The following PRKN variants were observed in gnomAD, a reference collection of about 807,000 sequenced individuals.
PRKN encodes parkin RBR E3 ubiquitin protein ligase.
A neutral mutation model predicts 59.5 loss-of-function variants in PRKN; 56 were observed. The ratio of observed to expected loss-of-function variants is 0.94; its 90% CI spans 0.76 to 1.18. The LOEUF is 1.18. Among genes scored for constraint, PRKN ranks in the 50% most tolerant of loss-of-function variants. The pLI, the probability that PRKN is intolerant of heterozygous loss-of-function variation, is 0.00. For missense variants in PRKN, 657 were observed against 596.4 expected (o/e 1.10, Z -1.06); for synonymous variants, 250 against 222.1 (o/e 1.13, Z -1.12).
intron 2 of PRKN, among the ~76,000 whole-genome samples, chr6:162,423,697 GA>G (rs1277478146): frequency 6.6e-6 from 1 of 152,162 alleles, no homozygotes; most frequent in Non-Finnish European, 1.5e-5. Flanking sequence ...GTCGTCATCA[GA>G]AATTGATGAA....
chr6:162,598,193 C>T (rs1250812377), intron 1 of PRKN, among the ~76,000 whole-genome samples: 1 of 152,100 alleles, frequency 6.6e-6, no homozygotes, highest in African/African-American at 2.4e-5. Context: ...TTGTTTTAAT[C>T]ATATCATGGA....
chr6:162,202,248 A>G (rs1784761376), intron 3 of PRKN, among the ~76,000 whole-genome samples: 2 of 152,150 alleles, frequency 1.3e-5, no homozygotes, highest in African/African-American at 2.4e-5. Context: ...TCACAAATGC[A>G]TATGATCTAT....
chr6:161,794,599 C>A, intron 6 of PRKN, among the ~76,000 whole-genome samples: 1 of 152,134 alleles, frequency 6.6e-6, no homozygotes, highest in East Asian at 1.9e-4. Context: ...TCTTTTGGAG[C>A]CTCCATAAGC....
At chr6:161,937,352 A>G (rs191114342) in intron 6 of PRKN, among the ~76,000 whole-genome samples, 324 of 152,356 alleles carry the variant, frequency 2.1e-3, no homozygotes, top group African/African-American at 7.3e-3. Context: ...AGAAACACTG[A>G]TATCAACTCA....
intron 7 of PRKN, among the ~76,000 whole-genome samples, chr6:161,613,663 G>C (rs561798640): frequency 5.3e-5 from 8 of 152,234 alleles, no homozygotes; most frequent in African/African-American, 1.7e-4. Context: ...CCGCAACCCT[G>C]ATCAGTCAGC....
chr6:162,669,005 A>C (rs1188397340), intron 1 of PRKN, among the ~76,000 whole-genome samples: 1 of 152,172 alleles, frequency 6.6e-6, no homozygotes, highest in African/African-American at 2.4e-5. Context: ...TGAGAATCTG[A>C]AGTACCAAGA....
intron 7 of PRKN, among the ~76,000 whole-genome samples, chr6:161,580,009 G>A (rs1166991977): frequency 1.3e-5 from 2 of 152,002 alleles, no homozygotes; most frequent in African/African-American, 4.8e-5. Context: ...TAGCATCCCT[G>A]CTTTTATATA....
rs186221297 is a variant in PRKN at position 162,066,376 on chromosome 6, T to C, written c.535-12202A>G. 5.6e-3 allele frequency among the ~76,000 whole-genome samples: 857 copies of C among 152,346 alleles called. 2 individuals carry two copies. The highest frequency in any genetic ancestry group is 0.017 in the Middle Eastern group (5 of 294). On this transcript the variant is annotated intron_variant, in intron 4 of 11. Coordinates refer to ENST00000366898, the MANE Select transcript of PRKN (RefSeq NM_004562.3). ...CTCTTTTAAGGAAACACATATTAGC[T>C]GTGGCTAACATATATGTTCATTAGA... is the stretch of plus-strand genomic sequence containing the variant.
In PRKN at chr6:161,497,577, T is replaced by TCTCTCA. The variant is rs369404858; in HGVS notation, c.1083+51276_1083+51277insTGAGAG. The stretch of plus-strand genomic sequence containing the variant: ...ATGTCTCTCTCTCTCTCTCTCTCTC[T>TCTCTCA]CACACACACACACACACACACCATA... On this transcript the variant is annotated intron_variant, in intron 9 of 11. Transcript: ENST00000366898. The surrounding 1 kb of genome is among the most constrained non-coding windows in gnomAD (Gnocchi z 4.6). Among the ~76,000 whole-genome samples the TCTCTCA allele has an allele frequency of 1.4e-3, 204 of 147,468 alleles. 1 individual carries two copies. Among genetic ancestry groups the TCTCTCA allele is most frequent in the Non-Finnish European group, 2.4e-3 (159 of 66,902 alleles).
At chr6:161,368,381 T>TTATATATATATATATATATATA (rs1562399363) in intron 10 of PRKN, among the ~76,000 whole-genome samples, 5 of 70,806 alleles carry the variant, frequency 7.1e-5, no homozygotes, top group Admixed American at 1.2e-4. Context: ...ACCTCAGTCT[T>TTATATATATATATATATATATA]GATATATATA....
Position 161,399,077 on chromosome 6 carries a change from T to C in PRKN, c.1084-12200A>G, listed in dbSNP as rs568242327. 1.7e-4 allele frequency among the ~76,000 whole-genome samples: 26 copies of C among 152,074 alleles called. No individual in the cohort carries two copies. The highest frequency in any genetic ancestry group is 1.6e-4 in the Non-Finnish European group (11 of 68,022). ...AGCAGAGGAGAGAAGAGAAGGAATA[T>C]CTGAATGTCGAGAGGAGTTCTGCTG... On this transcript the variant is annotated intron_variant, in intron 9 of 11. Coordinates refer to ENST00000366898, the MANE Select transcript of PRKN (RefSeq NM_004562.3). This position sits in a 1 kb window ranked among gnomAD's most constrained non-coding sequence, Gnocchi z 4.4.
At chr6:161,510,788 A>G (rs1385511471) in intron 9 of PRKN, among the ~76,000 whole-genome samples, 2 of 152,240 alleles carry the variant, frequency 1.3e-5, no homozygotes, top group Non-Finnish European at 2.9e-5. Context: ...GATAGAGGAT[A>G]TAATCCTTTA....
At chr6:161,707,248 G>T (rs370321458) in intron 7 of PRKN, among the ~76,000 whole-genome samples, 2 of 151,286 alleles carry the variant, frequency 1.3e-5, no homozygotes, top group East Asian at 2.0e-4. Flanking sequence ...TGGAAGGTTG[G>T]TTACATTTAA....
intron 6 of PRKN, among the ~76,000 whole-genome samples, chr6:161,818,816 C>CA (rs1791899229): frequency 6.6e-6 from 1 of 152,162 alleles, no homozygotes; most frequent in Non-Finnish European, 1.5e-5. Context: ...CCACACACTT[C>CA]ATAGAGCTAC....
intron 2 of PRKN, among the ~76,000 whole-genome samples, chr6:162,368,583 A>G (rs1785577123): frequency 6.6e-6 from 1 of 152,136 alleles, no homozygotes; most frequent in African/African-American, 2.4e-5. Context: ...ACAGAAGCTC[A>G]CACTCTGTCA....
intron 7 of PRKN, among the ~76,000 whole-genome samples, chr6:161,635,600 A>G (rs1264329907): frequency 6.6e-6 from 1 of 152,332 alleles, no homozygotes; most frequent in South Asian, 2.1e-4. Context: ...GACGCACTAC[A>G]TTGAAAGAAT....
intron 1 of PRKN, among the ~76,000 whole-genome samples, chr6:162,496,137 T>C (rs1412501838): frequency 1.3e-5 from 2 of 151,664 alleles, no homozygotes; most frequent in Non-Finnish European, 2.9e-5. Flanking sequence ...CTCAGGAGGC[T>C]GAGGCAGGAA....
At chr6:162,321,232 A>C (rs1312910302) in intron 2 of PRKN, among the ~76,000 whole-genome samples, 1 of 151,890 alleles carries the variant, frequency 6.6e-6, no homozygotes, top group East Asian at 1.9e-4. Context: ...ATAAGAGAAT[A>C]TTCTGAGCAA....
chr6:162,232,026 A>G (rs1408419218), intron 3 of PRKN, among the ~76,000 whole-genome samples: 1 of 152,120 alleles, frequency 6.6e-6, no homozygotes, highest in Non-Finnish European at 1.5e-5. Context: ...CATACCCCTT[A>G]ACCTCTCAGG....
Sources: gnomAD v4.1 joint callset for allele counts (sites outside exome capture counted in the v4.1 genomes callset) on GRCh38, gnomAD v4.1.1 for gene constraint, Gnocchi (gnomAD v3.1) non-coding constraint, MANE v1.5 for transcripts, NCBI Gene and HGNC (gene_info 2026-07-23, HGNC 2026-07-21) for gene names.